Variants in VWA3B observed in about 807,000 individuals in gnomAD.
VWA3B encodes the protein von Willebrand factor A domain-containing protein 3B.
A neutral mutation model predicts 158.3 loss-of-function variants in VWA3B; 138 were observed. The observed-to-expected ratio is 0.87, with a 90% CI of 0.76 to 1.00. The LOEUF is 1.00. VWA3B is among the 50% of genes least tolerant of loss of function. VWA3B has a pLI of 0.00. For synonymous variants in VWA3B, 596 were observed against 587.3 expected (o/e 1.01, Z -0.21); for missense variants, 1,555 against 1,565.1 (o/e 0.99, Z 0.11).
intron 2 of VWA3B, among the ~76,000 whole-genome samples, chr2:98,101,333 A>T (rs1683062781): frequency 6.6e-6 from 1 of 152,194 alleles, no homozygotes; most frequent in Admixed American, 6.5e-5. Flanking sequence ...ATGCCATTGA[A>T]ATATAAGGCC....
intron 8 of VWA3B, among the ~76,000 whole-genome samples, chr2:98,163,887 T>G (rs1364342890): frequency 4.6e-5 from 7 of 152,124 alleles, no homozygotes; most frequent in Non-Finnish European, 1.0e-4. Context: ...GACTTAGGCT[T>G]TTTGCTAAAA....
At chr2:98,104,445 A>G (rs1276469276) in intron 2 of VWA3B, among the ~76,000 whole-genome samples, 1 of 152,152 alleles carries the variant, frequency 6.6e-6, no homozygotes, top group African/African-American at 2.4e-5. Context: ...GCTCTTTTCA[A>G]CAACCAGTCC....
chr2:98,263,788 T>G (rs1007876811), intron 21 of VWA3B, among the ~76,000 whole-genome samples: 1 of 152,010 alleles, frequency 6.6e-6, no homozygotes, highest in African/African-American at 2.4e-5. Context: ...CTTTTCAATC[T>G]TTTGAAAGAG....
chr2:98,207,793 C>T (rs1683146346), intron 12 of VWA3B: 1 of 247,594 alleles, frequency 4.0e-6, no homozygotes, highest in Admixed American at 4.6e-5. Context: ...TTCCCCTAAT[C>T]CAAACAGCTT....
At chr2:98,263,737 C>T (rs367552310) in intron 21 of VWA3B, among the ~76,000 whole-genome samples, 11 of 151,928 alleles carry the variant, frequency 7.2e-5, no homozygotes, top group South Asian at 6.2e-4. Context: ...ATGATATCAG[C>T]GTAATTTCTG....
At chr2:98,126,822 A>G (rs1186671934) in intron 5 of VWA3B, among the ~76,000 whole-genome samples, 1 of 152,192 alleles carries the variant, frequency 6.6e-6, no homozygotes, top group Admixed American at 6.5e-5. Context: ...GCCTGATCTC[A>G]GCTCCCACTC....
intron 22 of VWA3B, among the ~76,000 whole-genome samples, chr2:98,285,341 T>C (rs767969766): frequency 2.0e-5 from 3 of 152,204 alleles, no homozygotes; most frequent in Non-Finnish European, 4.4e-5. Flanking sequence ...CCCCAGTTAA[T>C]GGACATTTGA....
chr2:98,308,244 T>C (rs1690648404), intron 26 of VWA3B, among the ~76,000 whole-genome samples: 1 of 152,236 alleles, frequency 6.6e-6, no homozygotes, highest in African/African-American at 2.4e-5. Context: ...AGATTTTCTC[T>C]TTCCTTTGCA....
intron 7 of VWA3B, among the ~76,000 whole-genome samples, chr2:98,142,981 T>A (rs1391545277): frequency 1.3e-5 from 2 of 152,316 alleles, no homozygotes; most frequent in Non-Finnish European, 2.9e-5. Context: ...ACGTTAACAA[T>A]TTTAAATTTA....
In VWA3B at chr2:98,187,170, G is replaced by C. The variant is rs372503695; in HGVS notation, c.1312-805G>C. On this transcript the variant is annotated intron_variant, in intron 9 of 27. Transcript: ENST00000477737. ...TTCCCTGCGAGGTTCTAACTTGTCC[G>C]GTCTCTCCCCTCTTTCTCTGCTCTC... 3.9e-4 allele frequency among the ~76,000 whole-genome samples: 60 copies of C among 152,126 alleles called. 1 individual carries two copies. The East Asian group carries it at 5.8e-3, about 15-fold the overall frequency.
chr2:98,155,871 C>G (rs1226401713), intron 7 of VWA3B, among the ~76,000 whole-genome samples: 1 of 152,068 alleles, frequency 6.6e-6, no homozygotes, highest in East Asian at 1.9e-4. Context: ...GAATATTGCT[C>G]CTGGAAATCA....
intron 3 of VWA3B, among the ~76,000 whole-genome samples, chr2:98,118,586 A>G (rs1250714726): frequency 6.6e-6 from 1 of 152,102 alleles, no homozygotes; most frequent in Non-Finnish European, 1.5e-5. Flanking sequence ...CAAAAACAGG[A>G]GGTAAAGAAA....
chr2:98,325,825 A>C, the VWA3B span, among the ~76,000 whole-genome samples: 5 of 152,220 alleles, frequency 3.3e-5, no homozygotes, highest in African/African-American at 1.2e-4. Flanking sequence ...GACCAAAACC[A>C]AAAACCAGTA....
At chr2:98,162,332 AG>A (rs1029023313) in intron 7 of VWA3B, among the ~76,000 whole-genome samples, 22 of 152,326 alleles carry the variant, frequency 1.4e-4, no homozygotes, top group African/African-American at 5.3e-4. Context: ...AAAGTGTTAT[AG>A]AGTCAAACCT....
At chr2:98,089,588 C>T (rs1559522770) in intron 1 of VWA3B, among the ~76,000 whole-genome samples, 1 of 151,716 alleles carries the variant, frequency 6.6e-6, no homozygotes, top group Non-Finnish European at 1.5e-5. Context: ...GTTCCTATCC[C>T]ACTTGAGTGG....
At chr2:98,188,200 TCCTC>T in intron 10 of VWA3B, 71 bp downstream of exon 10, 1 of 1,540,866 alleles carries the variant, frequency 6.5e-7, no homozygotes, top group Non-Finnish European at 8.8e-7. Context: ...TGATCTTTTT[TCCTC>T]CCTTTTATTT....
At chr2:98,128,463 G>T in intron 6 of VWA3B, 55 bp downstream of exon 6, 1 of 1,583,008 alleles carries the variant, frequency 6.3e-7, no homozygotes, top group South Asian at 1.1e-5. Flanking sequence ...GCTCACACAG[G>T]ATCAACAGTG....
At chr2:98,119,273 C>A (rs1036854870) in intron 3 of VWA3B, among the ~76,000 whole-genome samples, 5 of 152,088 alleles carry the variant, frequency 3.3e-5, no homozygotes, top group African/African-American at 9.7e-5. Flanking sequence ...AAAACATAAT[C>A]TGGAAAGATA....
At chr2:98,305,718 G>A (rs544030088) in intron 26 of VWA3B, among the ~76,000 whole-genome samples, 3 of 152,042 alleles carry the variant, frequency 2.0e-5, no homozygotes, top group African/African-American at 7.2e-5. Flanking sequence ...GCTGCTGCTT[G>A]TCCTTCACCT....
Sources: gnomAD v4.1 joint callset for allele counts (sites outside exome capture counted in the v4.1 genomes callset) on GRCh38, gnomAD v4.1.1 for gene constraint, MANE v1.5 for transcripts, NCBI Gene and HGNC (gene_info 2026-07-23, HGNC 2026-07-21) for gene names.